Variants in CREB5 observed in about 807,000 individuals in gnomAD.
CREB5 encodes the protein cyclic AMP-responsive element-binding protein 5.
Under a neutral mutation model 57.1 loss-of-function variants are expected in CREB5, and 19 were observed. The observed-to-expected ratio is 0.33, with a 90% confidence interval of 0.23 to 0.49. CREB5 has a LOEUF of 0.49. CREB5 is among the 20% of genes least tolerant of loss of function. The probability of loss-of-function intolerance (pLI) is 0.99; values close to 1 mark genes in which losing one functional copy is unlikely to be tolerated. For synonymous variants in CREB5, 238 were observed against 238.3 expected, an observed-to-expected ratio of 1.00 and a Z score of 0.01; for missense variants, 579 against 671.6, an observed-to-expected ratio of 0.86 and a Z score of 1.52.
chr7:28,573,217 T>C (rs1795772863), intron 5 of CREB5, among the ~76,000 whole-genome samples: 1 of 152,204 alleles, frequency 6.6e-6, no homozygotes. Flanking sequence ...GAGTTCCCTC[T>C]GGAGACTGTG....
chr7:28,365,030 G>A (rs1230871453), intron 1 of CREB5, among the ~76,000 whole-genome samples: 1 of 152,062 alleles, frequency 6.6e-6, no homozygotes, highest in East Asian at 1.9e-4. Context: ...TCAACACCCT[G>A]AATCTCAGCT....
intron 5 of CREB5, among the ~76,000 whole-genome samples, chr7:28,662,501 G>A (rs1263428495): frequency 1.3e-5 from 2 of 152,164 alleles, no homozygotes; most frequent in Non-Finnish European, 2.9e-5. Context: ...TGCAGTGCAG[G>A]GTTGTTGATT....
intron 4 of CREB5, among the ~76,000 whole-genome samples, chr7:28,534,074 AG>A (rs1179656467): frequency 2.6e-5 from 4 of 152,214 alleles, no homozygotes; most frequent in African/African-American, 9.6e-5. Context: ...ACTGGGGGGA[AG>A]AGTCTCAGAC....
chr7:28,657,844 G>T (rs1157737724), intron 5 of CREB5, among the ~76,000 whole-genome samples: 3 of 152,070 alleles, frequency 2.0e-5, no homozygotes, highest in Admixed American at 2.0e-4. Context: ...TGTTGGCATG[G>T]CTCATTAGAG....
chr7:28,712,164 T>C (rs1802426696), intron 5 of CREB5, among the ~76,000 whole-genome samples: 1 of 152,134 alleles, frequency 6.6e-6, no homozygotes, highest in South Asian at 2.1e-4. Flanking sequence ...AATTATTACC[T>C]GCCAAGGAAG....
intron 1 of CREB5, among the ~76,000 whole-genome samples, chr7:28,392,856 C>T (rs1434028330): frequency 6.6e-6 from 1 of 152,172 alleles, no homozygotes; most frequent in Non-Finnish European, 1.5e-5. Context: ...TTTACTGCCA[C>T]CTCAGACCCT....
At chr7:28,608,989 A>G (rs186441440) in intron 5 of CREB5, 1 of 152,324 alleles carries the variant, frequency 6.6e-6, no homozygotes, top group Non-Finnish European at 1.5e-5. Context: ...CTGCTTGTAT[A>G]TCACGGTATA....
intron 1 of CREB5, among the ~76,000 whole-genome samples, chr7:28,377,680 G>A (rs1288871178): frequency 6.6e-6 from 1 of 151,908 alleles, no homozygotes; most frequent in Non-Finnish European, 1.5e-5. Context: ...ACATTGAGCT[G>A]AATACCGTAA....
intron 5 of CREB5, among the ~76,000 whole-genome samples, chr7:28,642,995 C>CACACACAT (rs1798737843): frequency 1.1e-5 from 1 of 92,216 alleles, no homozygotes; most frequent in South Asian, 3.4e-4. Flanking sequence ...CATACACACA[C>CACACACAT]ACACACACAC....
At position 28,382,928 on chromosome 7, in the gene CREB5, G is replaced by GA. The variant is rs539995253; in HGVS notation, c.-25+83490dup. 9.5e-4 allele frequency among the ~76,000 whole-genome samples: 145 copies of GA among 152,238 alleles called. 1 individual carries two copies. The highest frequency in any genetic ancestry group is 3.3e-3 in the African/African-American group (139 of 41,550). On this transcript the variant is annotated intron_variant, in intron 1 of 9. Coordinates refer to the CREB5 transcript ENST00000396299. ...ACCAGTGAAAATCGCCTGGCTGTCT[G>GA]AAAGAGGGAAGAAATGTTGAGTAGG...
intron 5 of CREB5, among the ~76,000 whole-genome samples, chr7:28,641,753 C>A (rs952056075): frequency 1.3e-5 from 2 of 152,178 alleles, no homozygotes; most frequent in African/African-American, 4.8e-5. Flanking sequence ...GTCACCTCCG[C>A]AATCTTATTC....
chr7:28,680,394 A>G (rs934890447), intron 5 of CREB5, among the ~76,000 whole-genome samples: 2 of 152,260 alleles, frequency 1.3e-5, no homozygotes, highest in Non-Finnish European at 2.9e-5. Context: ...ACACCAGAAC[A>G]TGAATCAGTG....
chr7:28,811,222 T>A (rs755262181), intron 9 of CREB5, among the ~76,000 whole-genome samples: 3 of 152,202 alleles, frequency 2.0e-5, no homozygotes, highest in African/African-American at 4.8e-5. Flanking sequence ...ATGAATGAAT[T>A]CCTCATAGCT....
intron 5 of CREB5, among the ~76,000 whole-genome samples, chr7:28,644,488 G>A (rs886358532): frequency 5.3e-5 from 8 of 152,144 alleles, no homozygotes; most frequent in Non-Finnish European, 1.0e-4. Context: ...TCTATCTAGC[G>A]TAAGACCTTG....
At chr7:28,319,231 G>A (rs1785442208) in intron 1 of CREB5, among the ~76,000 whole-genome samples, 1 of 152,088 alleles carries the variant, frequency 6.6e-6, no homozygotes, top group African/African-American at 2.4e-5. Context: ...ATAGAAGATC[G>A]GTGGGTCAAA....
chr7:28,797,214 A>C (rs1367034320), intron 7 of CREB5, among the ~76,000 whole-genome samples: 1 of 152,152 alleles, frequency 6.6e-6, no homozygotes, highest in Non-Finnish European at 1.5e-5. Context: ...TCAAGCACCA[A>C]ATTCTTTTTC....
At chr7:28,441,248 A>G (rs1327188752) in intron 1 of CREB5, among the ~76,000 whole-genome samples, 2 of 152,376 alleles carry the variant, frequency 1.3e-5, no homozygotes, top group East Asian at 3.9e-4. Context: ...TGAAAGCTCC[A>G]AGCCCATGAG....
chr7:28,384,836 A>G (rs972727130), intron 1 of CREB5, among the ~76,000 whole-genome samples: 2 of 152,222 alleles, frequency 1.3e-5, no homozygotes, highest in Non-Finnish European at 2.9e-5. Context: ...AACTCTTGCC[A>G]TAGAATACTA....
intron 1 of CREB5, among the ~76,000 whole-genome samples, chr7:28,439,405 G>A (rs913712871): frequency 1.3e-5 from 2 of 152,134 alleles, no homozygotes; most frequent in African/African-American, 2.4e-5. Context: ...CTCTGCCTTT[G>A]CACATGCCAT....
Sources: gnomAD v4.1 joint callset for allele counts (sites outside exome capture counted in the v4.1 genomes callset) on GRCh38, gnomAD v4.1.1 for gene constraint, MANE v1.5 for transcripts, NCBI Gene and HGNC (gene_info 2026-07-23, HGNC 2026-07-21) for gene names.